Variants in LTN1 observed in about 807,000 individuals in gnomAD.
LTN1 encodes E3 ubiquitin-protein ligase listerin.
Under a neutral mutation model 201.2 loss-of-function variants are expected in LTN1, and 88 were observed. The observed-to-expected ratio is 0.44, with a 90% CI of 0.37 to 0.52. The LOEUF (loss-of-function observed/expected upper bound fraction) is 0.52. Among genes scored for constraint, LTN1 ranks in the 20% least tolerant of loss-of-function variants. The pLI is 0.00. For missense variants in LTN1, 1,752 were observed against 2,038.7 expected (o/e 0.86, Z 2.71); for synonymous variants, 645 against 713.5 (o/e 0.90, Z 1.53).
intron 9 of LTN1, chr21:28,967,893 G>A (rs563576617): frequency 6.6e-6 from 1 of 152,202 alleles, no homozygotes; most frequent in South Asian, 2.1e-4. Flanking sequence ...ACACATAGCT[G>A]GTATCTGCTG....
intron 24 of LTN1, among the ~76,000 whole-genome samples, chr21:28,942,255 A>T (rs2084302940): frequency 6.6e-6 from 1 of 152,156 alleles, no homozygotes; most frequent in African/African-American, 2.4e-5. Context: ...CTTATAAAAT[A>T]CCAGCTCCAA....
intron 4 of LTN1, 75 bp from the exon 5 acceptor site, chr21:28,982,443 T>C (rs2084666538): frequency 9.2e-7 from 1 of 1,084,232 alleles, no homozygotes; most frequent in South Asian, 1.3e-5. Context: ...CCTAGTTAAA[T>C]AAAATCCACT....
intron 6 of LTN1, among the ~76,000 whole-genome samples, chr21:28,979,412 G>C (rs1361624259): frequency 6.6e-6 from 1 of 152,164 alleles, no homozygotes; most frequent in African/African-American, 2.4e-5. Context: ...GGAGGAATGG[G>C]CAGGTTAAAT....
At position 28,928,283 on chromosome 21, in the gene LTN1, G is replaced by C. The variant is rs1326473799; in HGVS notation, c.*2165C>G. On this transcript the variant is annotated 3_prime_UTR_variant, in exon 30 of 30. Coordinates refer to ENST00000361371, the MANE Select transcript of LTN1 (RefSeq NM_015565.3). ...ATTTTTAATTAAAAAGAATTTTAAT[G>C]GGCACATATGGTATAACAATCAAAT... 1 of 152,384 alleles carries C rather than the reference G, an allele frequency of 6.6e-6. No homozygotes were observed. Among genetic ancestry groups the C allele is most frequent in the Admixed American group, 6.6e-5 (1 of 15,252 alleles). The allele number at this position is 152,384 out of a possible 1,614,324, so 9.4% of individuals were successfully genotyped here.
intron 18 of LTN1, 49 bp from the exon 19 acceptor site, chr21:28,947,655 GTTAT>G (rs2084349125): frequency 8.4e-7 from 1 of 1,188,068 alleles, no homozygotes; most frequent in South Asian, 1.8e-5. Flanking sequence ...CAAACATACA[GTTAT>G]TTTATATATT....
At position 28,967,092 on chromosome 21, in the gene LTN1, A is replaced by T; in HGVS notation, c.1399T>A (p.Trp467Arg). The T allele has an allele frequency of 6.2e-7, 1 of 1,614,146 alleles. No individual in the cohort carries two copies. The highest frequency in any genetic ancestry group is 8.5e-7 in the Non-Finnish European group (1 of 1,180,012). The change falls in exon 10 of 30, where the codon TGG becomes AGG. Residue 467 changes from tryptophan to arginine, a missense_variant. By Grantham distance (101) the Trp-to-Arg change is moderately radical. Transcript: ENST00000361371. ...FNHLAETLSSWEAKADTEKDE... is the reference protein window; with the variant it reads ...FNHLAETLSSREAKADTEKDE... ...TTTTCCGTGTCTGCTTTGGCTTCCC[A>T]GGAACTTAGAGTTTCTGCTAAATGG...
At chr21:28,932,330 G>A (rs1213069939) in intron 28 of LTN1, 140 bp downstream of exon 28, 9 of 725,210 alleles carry the variant, frequency 1.2e-5, no homozygotes, top group Non-Finnish European at 2.1e-5. Flanking sequence ...ATCCATTTAG[G>A]CATATCTCTG....
intron 25 of LTN1, among the ~76,000 whole-genome samples, chr21:28,937,539 T>A (rs1308279041): frequency 6.6e-6 from 1 of 152,208 alleles, no homozygotes; most frequent in Non-Finnish European, 1.5e-5. Flanking sequence ...TAGCATTTTC[T>A]GAACACTATG....
chr21:28,932,810 A>G (rs2084221941), intron 27 of LTN1, 146 bp from the exon 28 acceptor site: 1 of 574,948 alleles, frequency 1.7e-6, no homozygotes, highest in Admixed American at 3.4e-5. Context: ...GAGATAATTA[A>G]GAAATACGTT....
At chr21:28,955,295 A>G (rs1022260025) in intron 16 of LTN1, among the ~76,000 whole-genome samples, 5 of 152,028 alleles carry the variant, frequency 3.3e-5, no homozygotes, top group African/African-American at 1.2e-4. Context: ...GTAACACCCC[A>G]TCTCTAAAAA....
intron 3 of LTN1, among the ~76,000 whole-genome samples, chr21:28,985,658 CTTT>C (rs781372185): frequency 7.3e-6 from 1 of 137,084 alleles, no homozygotes. Flanking sequence ...ACAATCCAAT[CTTT>C]TTTTTTTTTT....
In LTN1 at chr21:28,986,608, A is replaced by G; in HGVS notation, c.246+123T>C. 4.0e-6 allele frequency: 3 copies of G among 744,958 alleles called. No individual in the cohort carries two copies. The highest frequency in any genetic ancestry group is 6.5e-6 in the Non-Finnish European group (3 of 458,756). 46.1% of individuals were successfully genotyped at this position (744,958 alleles called of 1,614,324 possible). On this transcript the variant is annotated intron_variant, in intron 2 of 29. Transcript: ENST00000361371. The surrounding 1 kb of genome is among the most constrained non-coding windows in gnomAD (Gnocchi z 4.1). Reference sequence around the variant, plus strand: ...AGTTTAAGACTCTGTGTCAGAAAAAAGTACAATTATAAAAGAACTTAGCAA... The same window carrying G: ...AGTTTAAGACTCTGTGTCAGAAAAAGGTACAATTATAAAAGAACTTAGCAA...
chr21:28,936,185 C>T (rs2084255446), intron 26 of LTN1, among the ~76,000 whole-genome samples: 1 of 152,186 alleles, frequency 6.6e-6, no homozygotes, highest in South Asian at 2.1e-4. Context: ...TCTGTCCTCT[C>T]AGCTCACATG....
chr21:28,946,602 T>C (rs1290329103), intron 19 of LTN1, among the ~76,000 whole-genome samples: 2 of 152,126 alleles, frequency 1.3e-5, no homozygotes, highest in African/African-American at 4.8e-5. Context: ...AGCAAACTCA[T>C]CATTCAAATA....
Position 28,930,495 on chromosome 21 carries a change from A to G in LTN1, c.5254T>C (p.Ser1752Pro). The change falls in exon 30 of 30, where the codon TCT becomes CCT. Residue 1752 changes from serine to proline, a missense_variant. Coordinates refer to ENST00000361371, the MANE Select transcript of LTN1 (RefSeq NM_015565.3). Reference protein sequence around the residue: ...HSACLYKWFTSSNKSTCPLCR... With the variant: ...HSACLYKWFTPSNKSTCPLCR... The stretch of plus-strand genomic sequence containing the variant: ...AGTGGACAAGTGGATTTGTTGCTAG[A>G]TGTAAACCATTTGTACTGAAAAAGA... The G allele has an allele frequency of 3.7e-6, 6 of 1,612,600 alleles. No individual in the cohort carries two copies. Among genetic ancestry groups the G allele is most frequent in the Non-Finnish European group, 5.1e-6 (6 of 1,179,062 alleles).
intron 16 of LTN1, among the ~76,000 whole-genome samples, chr21:28,955,801 T>C (rs1348581643): frequency 6.6e-6 from 1 of 151,514 alleles, no homozygotes; most frequent in Non-Finnish European, 1.5e-5. Flanking sequence ...TGTGCGCCTG[T>C]AGTCCCATCT....
At chr21:28,992,727 C>A (rs1042323009) in intron 1 of LTN1, 37 bp downstream of exon 1, 4 of 1,612,398 alleles carry the variant, frequency 2.5e-6, no homozygotes, top group Non-Finnish European at 2.5e-6. Context: ...CGCCTCGAAG[C>A]GAGGCTCCCG....
intron 26 of LTN1, 46 bp from the exon 27 acceptor site, chr21:28,935,375 T>C (rs371159958): frequency 2.6e-6 from 3 of 1,133,118 alleles, no homozygotes; most frequent in African/African-American, 3.1e-5. Context: ...ATTTCTTATA[T>C]AGAATAACAG....
intron 27 of LTN1, 138 bp from the exon 28 acceptor site, chr21:28,932,802 G>C: frequency 1.7e-6 from 1 of 578,254 alleles, no homozygotes; most frequent in East Asian, 2.9e-5. Context: ...TCTGACATGA[G>C]ATAATTAAGA....
Sources: gnomAD v4.1 joint callset for allele counts (sites outside exome capture counted in the v4.1 genomes callset) on GRCh38, gnomAD v4.1.1 for gene constraint, Gnocchi (gnomAD v3.1) non-coding constraint, MANE v1.5 for transcripts, NCBI Gene and HGNC (gene_info 2026-07-23, HGNC 2026-07-21) for gene names.